Variants in CUX2 observed in about 807,000 individuals in gnomAD.
The protein encoded by CUX2 is homeobox protein cut-like 2.
Under a neutral mutation model 144.8 loss-of-function variants are expected in CUX2, and 40 were observed. That is an observed-to-expected ratio of 0.28 (90% CI 0.21 to 0.36). The LOEUF (loss-of-function observed/expected upper bound fraction) is 0.36, where lower values mean the gene tolerates loss of function less well. Ranked by LOEUF, CUX2 falls within the 10% of genes least tolerant of loss-of-function variation. The probability of loss-of-function intolerance (pLI) is 1.00; values close to 1 mark genes in which losing one functional copy is unlikely to be tolerated. For missense variants in CUX2, 1,615 were observed against 1,994.0 expected (o/e 0.81, Z 3.62); for synonymous variants, 827 against 875.6 (o/e 0.94, Z 0.98).
intron 3 of CUX2, among the ~76,000 whole-genome samples, chr12:111,247,569 A>G (rs1883337459): frequency 1.3e-5 from 2 of 152,166 alleles, no homozygotes; most frequent in Non-Finnish European, 2.9e-5. Context: ...GCGAGAGTTC[A>G]TGGGCCAGGT....
chr12:111,138,386 A>G, intron 1 of CUX2, among the ~76,000 whole-genome samples: 4 of 142,348 alleles, frequency 2.8e-5, no homozygotes, highest in African/African-American at 5.1e-5. Context: ...GAGGAGGGGT[A>G]GGGGTGGAGG....
At chr12:111,102,864 C>CA (rs894187846) in intron 1 of CUX2, among the ~76,000 whole-genome samples, 17 of 149,964 alleles carry the variant, frequency 1.1e-4, no homozygotes, top group Non-Finnish European at 2.1e-4. Flanking sequence ...AGTAAGTGAT[C>CA]AAAAAAAAAG....
At chr12:111,172,134 C>G (rs1445248063) in intron 1 of CUX2, among the ~76,000 whole-genome samples, 1 of 150,178 alleles carries the variant, frequency 6.7e-6, no homozygotes, top group African/African-American at 2.5e-5. Flanking sequence ...TGTGCATGTG[C>G]CTTTGTGTGT....
At chr12:111,315,229 T>C (rs554682470) in intron 16 of CUX2, among the ~76,000 whole-genome samples, 1 of 152,202 alleles carries the variant, frequency 6.6e-6, no homozygotes, top group East Asian at 1.9e-4. Context: ...TCACGAGTTC[T>C]ACTTCTGGGA....
At chr12:111,113,144 T>G (rs569097574) in intron 1 of CUX2, among the ~76,000 whole-genome samples, 2 of 150,988 alleles carry the variant, frequency 1.3e-5, no homozygotes, top group South Asian at 2.1e-4. Flanking sequence ...AGAGTAGGAG[T>G]GATGGAGGGG....
rs372557027 is a variant in CUX2, at chr12:111,263,849, G to A, written c.301+10G>A. 1.6e-4 allele frequency: 257 copies of A among 1,610,852 alleles called. No individual in the cohort carries two copies. Among genetic ancestry groups the A allele is most frequent in the Non-Finnish European group, 2.1e-4 (248 of 1,177,160 alleles). ...TTAATTGAAGCACCAGGTAAGAAAT[G>A]CTTGGGCTCCGTAATTGAATAGTTA... On this transcript the variant is annotated intron_variant, in intron 4 of 21. Coordinates refer to ENST00000261726, the MANE Select transcript of CUX2 (RefSeq NM_015267.4). The surrounding 1 kb of genome is among the most constrained non-coding windows in gnomAD (Gnocchi z 4.0).
In CUX2 at chr12:111,320,582, C is replaced by A. The variant is rs1887476124; in HGVS notation, c.2573C>A (p.Thr858Lys). Residue 858 changes from threonine to lysine, a missense_variant, in exon 17 of 22, where the codon ACG (threonine) becomes AAG (lysine). Around this residue, in one of 12 missense-constraint regions of CUX2, gnomAD observed 390 missense variants for 387.1 expected, o/e 1.01. Transcript: ENST00000261726. The surrounding 1 kb of genome is among the most constrained non-coding windows in gnomAD (Gnocchi z 8.1). Reference protein sequence around the residue: ...RTGELKAEGATAEAGARLPYY... With the variant: ...RTGELKAEGAKAEAGARLPYY... ...GGCGAGCTCAAGGCTGAGGGCGCGACGGCCGAGGCGGGCGCGCGGCTGCCC... is the reference window on the plus strand; with the variant it reads ...GGCGAGCTCAAGGCTGAGGGCGCGAAGGCCGAGGCGGGCGCGCGGCTGCCC... The A allele has an allele frequency of 6.5e-7, 1 of 1,528,770 alleles. No homozygotes were observed. 94.7% of individuals were successfully genotyped at this position (1,528,770 alleles called of 1,614,324 possible).
intron 4 of CUX2, among the ~76,000 whole-genome samples, chr12:111,268,641 G>A (rs1355967977): frequency 1.3e-5 from 2 of 152,260 alleles, no homozygotes; most frequent in Admixed American, 6.5e-5. Flanking sequence ...GCACGAGGCC[G>A]AGACAGCCCA....
chr12:111,077,391 T>C lies in CUX2; in HGVS notation c.63+43151T>C, dbSNP rs980772478. Among the ~76,000 whole-genome samples, 2 of 152,108 alleles carry C rather than the reference T, an allele frequency of 1.3e-5. No homozygotes were observed. Among genetic ancestry groups the C allele is most frequent in the African/African-American group, 4.8e-5 (2 of 41,428 alleles). On this transcript the variant is annotated intron_variant, in intron 1 of 21. Transcript: ENST00000261726. The surrounding 1 kb of genome is among the most constrained non-coding windows in gnomAD (Gnocchi z 4.1). ...TAGCCTCTGGGGACTGGCGCGGCCA[T>C]GCCATCGACCTGAACCCCCTGGACT... is the stretch of plus-strand genomic sequence containing the variant.
intron 3 of CUX2, among the ~76,000 whole-genome samples, chr12:111,234,182 G>A (rs1882618888): frequency 6.6e-6 from 1 of 152,192 alleles, no homozygotes; most frequent in South Asian, 2.1e-4. Flanking sequence ...CTCCCTCACA[G>A]ATAGAGCACC....
intron 1 of CUX2, among the ~76,000 whole-genome samples, chr12:111,198,597 G>A (rs1040942005): frequency 6.6e-6 from 1 of 152,218 alleles, no homozygotes; most frequent in South Asian, 2.1e-4. Flanking sequence ...CTAGGAAGGA[G>A]GCTGATATTA....
intron 19 of CUX2, 139 bp downstream of exon 19, chr12:111,334,849 G>T: frequency 1.0e-6 from 1 of 953,530 alleles, no homozygotes; most frequent in South Asian, 1.8e-5. Flanking sequence ...AGGGAGGATC[G>T]CTTGAGGCCA....
chr12:111,257,624 GCTCTTCCTCCTCC>G (rs1412316901), intron 3 of CUX2, among the ~76,000 whole-genome samples: 5 of 65,254 alleles, frequency 7.7e-5, no homozygotes, highest in East Asian at 4.4e-4. Flanking sequence ...CCTCCTCCCT[GCTCTTCCTCCTCC>G]CTCTTCCTCC....
intron 1 of CUX2, among the ~76,000 whole-genome samples, chr12:111,149,610 G>A (rs776877714): frequency 1.3e-5 from 2 of 152,136 alleles, no homozygotes; most frequent in Non-Finnish European, 2.9e-5. Flanking sequence ...CTGCTTTAAC[G>A]GGGGCTTCCT....
rs982478744 is a variant in CUX2, at chr12:111,310,818, G to C, written c.1900+136G>C. 9 of 989,888 alleles carry C rather than the reference G, an allele frequency of 9.1e-6. No individual in the cohort carries two copies. The African/African-American group carries it at 1.5e-4, about 16-fold the overall frequency. The allele number at this position is 989,888 out of a possible 1,614,324, so 61.3% of individuals were successfully genotyped here. A position where few individuals can be genotyped will look rare whatever the true frequency, so the allele number is the denominator to read the frequency against. On this transcript the variant is annotated intron_variant, in intron 15 of 21. Coordinates refer to ENST00000261726, the MANE Select transcript of CUX2 (RefSeq NM_015267.4). This position sits in a 1 kb window ranked among gnomAD's most constrained non-coding sequence, Gnocchi z 7.9. ...CTGGCTGTGTGACCCAGGGCCAGTGGCTTTGCCTGTCTGTGCCTCAGTTTC... is the reference window on the plus strand; with the variant it reads ...CTGGCTGTGTGACCCAGGGCCAGTGCCTTTGCCTGTCTGTGCCTCAGTTTC...
Position 111,298,572 on chromosome 12 carries a change from C to G in CUX2, c.736C>G (p.Leu246Val). ...ADEVGLIMTN[L>V]EKANQRAEAA... is the part of the protein sequence containing the mutation. The stretch of plus-strand genomic sequence containing the variant: ...TGAAGTCGGCCTGATCATGACCAAC[C>G]TGGAGAAAGCTAATCAGGTGAGGAG... Residue 246 changes from leucine (L) to valine (V), a missense_variant, in exon 9 of 22, where the codon CTG becomes GTG. Around this residue, in one of 12 missense-constraint regions of CUX2, gnomAD observed 295 missense variants for 400.2 expected, o/e 0.74. Transcript: ENST00000261726. 1 of 1,576,138 alleles carries G rather than the reference C, an allele frequency of 6.3e-7. No individual in the cohort carries two copies.
intron 1 of CUX2, among the ~76,000 whole-genome samples, chr12:111,100,917 T>C (rs76224793): frequency 0.052 from 7,885 of 152,268 alleles, 227 homozygotes; most frequent in African/African-American, 0.079. Context: ...AGGAGGTCAC[T>C]GTAGACTCCC....
At chr12:111,309,839 CTCTT>C (rs1886790245) in intron 14 of CUX2, among the ~76,000 whole-genome samples, 198 bp from the exon 15 acceptor site, 1 of 151,076 alleles carries the variant, frequency 6.6e-6, no homozygotes, top group Non-Finnish European at 1.5e-5. Flanking sequence ...CTCTCATTGT[CTCTT>C]TCTTTCTCTC....
At chr12:111,107,146 CTT>C (rs1873661401) in intron 1 of CUX2, among the ~76,000 whole-genome samples, 1 of 152,214 alleles carries the variant, frequency 6.6e-6, no homozygotes, top group East Asian at 1.9e-4. Flanking sequence ...AACTGAGGCT[CTT>C]TGTAACATCT....
Sources: gnomAD v4.1 joint callset for allele counts (sites outside exome capture counted in the v4.1 genomes callset) on GRCh38, gnomAD v4.1.1 for gene constraint, gnomAD v4.1.1 regional missense constraint, Gnocchi (gnomAD v3.1) non-coding constraint, MANE v1.5 for transcripts, NCBI Gene and HGNC (gene_info 2026-07-23, HGNC 2026-07-21) for gene names.